STK32B: variants seen among roughly 807,000 people sequenced by gnomAD.
STK32B encodes the protein serine/threonine kinase 32B, also known as serine/threonine-protein kinase 32B.
In STK32B, 43 loss-of-function variants were observed where a neutral mutation model predicts 52.6. That is an observed-to-expected ratio of 0.82 (90% confidence interval 0.64 to 1.05). STK32B has a LOEUF of 1.05. STK32B is among the 50% of genes least tolerant of loss of function. STK32B has a pLI of 0.00. For synonymous variants in STK32B, 238 were observed against 204.3 expected, an observed-to-expected ratio of 1.17 and a Z score of -1.41; for missense variants, 621 against 534.6, an observed-to-expected ratio of 1.16 and a Z score of -1.59.
Position 5,380,148 on chromosome 4 carries a change from C to T in STK32B, c.435-18059C>T, listed in dbSNP as rs149659413. Among the ~76,000 whole-genome samples the T allele has an allele frequency of 2.6e-5, 4 of 152,230 alleles. No homozygotes were observed. Among genetic ancestry groups the T allele is most frequent in the Admixed American group, 2.0e-4 (3 of 15,288 alleles). ...AATATGTTTATTATTCTGGTGAAGC[C>T]GCTCCTAACCAGACCCATCCTGCAG... On this transcript the variant is annotated intron_variant, in intron 4 of 11. Coordinates refer to ENST00000282908, the MANE Select transcript of STK32B (RefSeq NM_018401.3). The surrounding 1 kb of genome is among the most constrained non-coding windows in gnomAD (Gnocchi z 4.3).
intron 9 of STK32B, among the ~76,000 whole-genome samples, chr4:5,462,875 A>G (rs1185951596): frequency 6.6e-6 from 1 of 152,180 alleles, no homozygotes; most frequent in Admixed American, 6.5e-5. Context: ...CCACAAGGGT[A>G]GGGTTTTGTG....
the STK32B span, among the ~76,000 whole-genome samples, chr4:5,045,657 T>A: frequency 6.6e-6 from 1 of 152,202 alleles, no homozygotes; most frequent in Non-Finnish European, 1.5e-5. Flanking sequence ...TCCTAGGTAC[T>A]CTTTGTAGCG....
chr4:5,249,603 A>T (rs1191852715), intron 3 of STK32B, among the ~76,000 whole-genome samples: 4 of 151,972 alleles, frequency 2.6e-5, no homozygotes, highest in African/African-American at 7.3e-5. Flanking sequence ...GCATAATAGA[A>T]CTCATAGTGA....
intron 3 of STK32B, among the ~76,000 whole-genome samples, chr4:5,195,588 G>T (rs2108769481): frequency 6.6e-6 from 1 of 152,274 alleles, no homozygotes; most frequent in African/African-American, 2.4e-5. Flanking sequence ...AGCTACTTGG[G>T]AGACTGAGGC....
intron 5 of STK32B, among the ~76,000 whole-genome samples, chr4:5,406,677 T>C (rs554482498): frequency 1.2e-4 from 18 of 152,230 alleles, no homozygotes; most frequent in African/African-American, 3.9e-4. Flanking sequence ...GCCTGAGATG[T>C]ATCTAAGGCC....
chr4:5,047,020 T>C (rs1420097748), upstream of STK32B, among the ~76,000 whole-genome samples: 1 of 152,196 alleles, frequency 6.6e-6, no homozygotes, highest in Non-Finnish European at 1.5e-5. Context: ...ATCATTCTAC[T>C]ATAAGGACAC....
chr4:5,403,929 C>A (rs1419124091), intron 5 of STK32B, among the ~76,000 whole-genome samples: 3 of 151,482 alleles, frequency 2.0e-5, no homozygotes, highest in African/African-American at 7.3e-5. Context: ...CCATATGGGT[C>A]CCAAGACTGT....
chr4:5,245,974 A>G (rs1459026496), intron 3 of STK32B, among the ~76,000 whole-genome samples: 1 of 152,168 alleles, frequency 6.6e-6, no homozygotes, highest in East Asian at 1.9e-4. Context: ...CTTTGTGGGT[A>G]ACCCGACCTT....
chr4:5,406,214 G>GGCCA (rs1326468150), intron 5 of STK32B, among the ~76,000 whole-genome samples: 3 of 152,174 alleles, frequency 2.0e-5, no homozygotes, highest in Non-Finnish European at 2.9e-5. Flanking sequence ...CTCACATCCA[G>GGCCA]GCCACACTGA....
At chr4:5,420,334 G>A (rs180984357) in intron 6 of STK32B, among the ~76,000 whole-genome samples, 14 of 152,144 alleles carry the variant, frequency 9.2e-5, no homozygotes, top group Admixed American at 2.6e-4. Context: ...TTTTGTTGAC[G>A]ACCTTTCTGA....
chr4:5,445,441 A>T (rs2109119364), intron 6 of STK32B, among the ~76,000 whole-genome samples: 1 of 152,288 alleles, frequency 6.6e-6, no homozygotes, highest in East Asian at 1.9e-4. Flanking sequence ...AGAAATAATG[A>T]ACATTTCACA....
chr4:5,133,006 C>G (rs937142363), intron 1 of STK32B, among the ~76,000 whole-genome samples: 3 of 152,170 alleles, frequency 2.0e-5, no homozygotes, highest in African/African-American at 7.2e-5. Flanking sequence ...GCCATGTTGG[C>G]TAGGCTGGCT....
intron 6 of STK32B, chr4:5,436,015 G>A (rs4689225): frequency 0.097 from 14,746 of 152,256 alleles, 1,073 homozygotes; most frequent in East Asian, 0.41. Context: ...CAGAGACAGG[G>A]TGTTCCAGGA....
chr4:5,240,925 A>G (rs1429638879), intron 3 of STK32B, among the ~76,000 whole-genome samples: 6 of 152,306 alleles, frequency 3.9e-5, no homozygotes, highest in Middle Eastern at 3.4e-3. Context: ...CCTTCTATCA[A>G]TAACTCACCA....
At chr4:5,247,148 TTGTC>T (rs1345886353) in intron 3 of STK32B, among the ~76,000 whole-genome samples, 3 of 152,190 alleles carry the variant, frequency 2.0e-5, no homozygotes, top group Non-Finnish European at 2.9e-5. Flanking sequence ...TGTCTTTTGT[TTGTC>T]TGTGCCCTGC....
At chr4:5,481,286 G>T (rs1341290373) in intron 11 of STK32B, among the ~76,000 whole-genome samples, 2 of 152,318 alleles carry the variant, frequency 1.3e-5, no homozygotes, top group East Asian at 3.9e-4. Context: ...TAACTGGTGT[G>T]AGATGGTATC....
In STK32B at chr4:5,311,838, T is replaced by C. The variant is rs561410186; in HGVS notation, c.261-19382T>C. On this transcript the variant is annotated intron_variant, in intron 3 of 11. Coordinates refer to ENST00000282908, the MANE Select transcript of STK32B (RefSeq NM_018401.3). Reference sequence around the variant, plus strand: ...TTCACAAGAGAATTCTATCAAACGTTTGAGGAAGAATTAGCACCAGTTTTA... The same window carrying C: ...TTCACAAGAGAATTCTATCAAACGTCTGAGGAAGAATTAGCACCAGTTTTA... 1.2e-4 allele frequency among the ~76,000 whole-genome samples: 18 copies of C among 151,984 alleles called. No homozygotes were observed. The South Asian group carries it at 2.9e-3, about 25-fold the overall frequency.
intron 6 of STK32B, among the ~76,000 whole-genome samples, chr4:5,425,325 G>T (rs59654075): frequency 2.6e-5 from 4 of 152,008 alleles, no homozygotes; most frequent in Non-Finnish European, 5.9e-5. Flanking sequence ...GGCCACCATG[G>T]CAGTGCTGTG....
intron 3 of STK32B, among the ~76,000 whole-genome samples, chr4:5,300,308 A>G (rs892046553): frequency 1.3e-5 from 2 of 152,222 alleles, no homozygotes; most frequent in Admixed American, 6.5e-5. Context: ...GTCTATGACA[A>G]ATCTACAGCC....
Sources: allele counts gnomAD v4.1 joint callset (sites outside exome capture counted in the v4.1 genomes callset), GRCh38; gene constraint gnomAD v4.1.1; non-coding constraint Gnocchi (gnomAD v3.1); transcripts MANE v1.5; gene names NCBI Gene and HGNC (gene_info 2026-07-23, HGNC 2026-07-21).